The following NME7 variants were observed in gnomAD, a reference collection of about 807,000 sequenced individuals.
NME7 encodes the protein nucleoside diphosphate kinase 7.
Under a neutral mutation model 49.1 loss-of-function variants are expected in NME7, and 41 were observed. The observed-to-expected ratio is 0.83, with a 90% CI of 0.65 to 1.08. NME7 has a LOEUF of 1.08. NME7 is among the 50% of genes least tolerant of loss of function. The pLI is 0.00. For missense variants in NME7, 423 were observed against 463.4 expected, an observed-to-expected ratio of 0.91 and a Z score of 0.80; for synonymous variants, 139 against 150.6, an observed-to-expected ratio of 0.92 and a Z score of 0.56.
At chr1:169,216,376 T>C (rs11809256) in intron 10 of NME7, among the ~76,000 whole-genome samples, 57,326 of 151,942 alleles carry the variant, frequency 0.38, 11,519 homozygotes, top group East Asian at 0.79. Flanking sequence ...GAAATGAGAC[T>C]TTCATAAAAA....
intron 10 of NME7, among the ~76,000 whole-genome samples, chr1:169,187,297 C>T (rs1018546458): frequency 1.3e-5 from 2 of 151,956 alleles, no homozygotes; most frequent in African/African-American, 4.8e-5. Context: ...TCCTGAATAT[C>T]CTTGTTAATT....
At chr1:169,192,396 C>T (rs759646490) in intron 10 of NME7, among the ~76,000 whole-genome samples, 2 of 151,850 alleles carry the variant, frequency 1.3e-5, no homozygotes, top group Non-Finnish European at 2.9e-5. Context: ...CTTATTATTC[C>T]CTGAACAATA....
intron 10 of NME7, among the ~76,000 whole-genome samples, chr1:169,206,108 C>T (rs1660667762): frequency 6.6e-6 from 1 of 152,100 alleles, no homozygotes; most frequent in Admixed American, 6.6e-5. Context: ...TTTCCCTCCC[C>T]TGCTTTATTT....
At chr1:169,295,827 A>G (rs978320596) in intron 6 of NME7, among the ~76,000 whole-genome samples, 4 of 152,082 alleles carry the variant, frequency 2.6e-5, no homozygotes, top group African/African-American at 9.7e-5. Flanking sequence ...CTCCCTTCAG[A>G]CCAACCAATA....
chr1:169,196,076 C>T (rs1446792186), intron 10 of NME7, among the ~76,000 whole-genome samples: 3 of 152,104 alleles, frequency 2.0e-5, no homozygotes, highest in Non-Finnish European at 2.9e-5. Flanking sequence ...TAACTAAGTA[C>T]CAATTTGGAT....
chr1:169,151,440 A>G (rs113151689), intron 11 of NME7, among the ~76,000 whole-genome samples: 5 of 152,232 alleles, frequency 3.3e-5, no homozygotes, highest in African/African-American at 1.2e-4. Context: ...GCTGACCACC[A>G]TCCTCAGACC....
In NME7 at chr1:169,150,763, G is replaced by GAAAAAAAAAAAA. The variant is rs10689301; in HGVS notation, c.1099-17958_1099-17947dup. 2.7e-4 allele frequency among the ~76,000 whole-genome samples: 33 copies of GAAAAAAAAAAAA among 124,322 alleles called. 1 individual carries two copies. In the East Asian group the frequency reaches 6.6e-3, roughly 25 times the overall value. 81.6% of individuals were successfully genotyped at this position (124,322 alleles called of 152,430 possible). On this transcript the variant is annotated intron_variant, in intron 11 of 11. Coordinates refer to ENST00000367811, the MANE Select transcript of NME7 (RefSeq NM_013330.5). Reference sequence around the variant, plus strand: ...ATGATGAGAAGAGAGGCTGGAAAAGGAAAAAAAAAAAAAAAAGAGGAGCAA... The same window carrying GAAAAAAAAAAAA: ...ATGATGAGAAGAGAGGCTGGAAAAGGAAAAAAAAAAAAAAAAAAAAAAAAAAAAGAGGAGCAA...
intron 7 of NME7, among the ~76,000 whole-genome samples, chr1:169,240,344 G>A (rs1342474068): frequency 1.3e-5 from 2 of 151,822 alleles, no homozygotes; most frequent in African/African-American, 4.8e-5. Flanking sequence ...TCTCTTTAAT[G>A]TCTCATTTAA....
intron 7 of NME7, among the ~76,000 whole-genome samples, chr1:169,278,273 G>A (rs568711433): frequency 1.1e-4 from 16 of 150,842 alleles, no homozygotes; most frequent in African/African-American, 3.2e-4. Context: ...ATAATATCCT[G>A]CAGAGTGTTT....
chr1:169,230,412 T>A (rs1225208939), intron 10 of NME7, among the ~76,000 whole-genome samples: 1 of 152,144 alleles, frequency 6.6e-6, no homozygotes, highest in Admixed American at 6.5e-5. Flanking sequence ...ATACCTTAGA[T>A]AATTTCTATT....
chr1:169,213,433 A>G (rs1017495894), intron 10 of NME7, among the ~76,000 whole-genome samples: 2 of 152,100 alleles, frequency 1.3e-5, no homozygotes, highest in African/African-American at 2.4e-5. Flanking sequence ...ATGGTTGCCA[A>G]TGCTGGATTT....
rs1652811407 is a variant in NME7 at position 169,342,910 on chromosome 1, AG to A, written c.4-18411del. Among the ~76,000 whole-genome samples, 11 of 81,000 alleles carry A rather than the reference AG, an allele frequency of 1.4e-4. 1 individual carries two copies. The highest frequency in any genetic ancestry group is 4.5e-4 in the African/African-American group (11 of 24,466). The allele number at this position is 81,000 out of a possible 152,430, so 53.1% of individuals were successfully genotyped here. A position where few individuals can be genotyped will look rare whatever the true frequency, so the allele number is the denominator to read the frequency against. Reference sequence around the variant, plus strand: ...TACATATATACAAGTACATATATATAGTGTATATATATATATACAAGTACAT... The same window carrying A: ...TACATATATACAAGTACATATATATATGTATATATATATATACAAGTACAT... On this transcript the variant is annotated intron_variant, in intron 1 of 11. Coordinates refer to ENST00000367811, the MANE Select transcript of NME7 (RefSeq NM_013330.5).
intron 1 of NME7, among the ~76,000 whole-genome samples, chr1:169,332,259 T>G (rs971201501): frequency 6.6e-6 from 1 of 152,072 alleles, no homozygotes; most frequent in Non-Finnish European, 1.5e-5. Flanking sequence ...GAAAACTAGA[T>G]GTCTATATGC....
At chr1:169,286,360 A>C (rs574972602) in intron 7 of NME7, 2 of 152,144 alleles carry the variant, frequency 1.3e-5, no homozygotes, top group African/African-American at 4.8e-5. Flanking sequence ...ATAAAATTTT[A>C]AAATCCAATC....
intron 10 of NME7, among the ~76,000 whole-genome samples, chr1:169,226,511 T>G (rs1210229298): frequency 1.3e-5 from 2 of 151,986 alleles, no homozygotes; most frequent in African/African-American, 2.4e-5. Context: ...CATAGCTTGA[T>G]TGTAACTACT....
chr1:169,203,348 G>C (rs553611047), intron 10 of NME7, among the ~76,000 whole-genome samples: 1 of 152,176 alleles, frequency 6.6e-6, no homozygotes, highest in Admixed American at 6.5e-5. Flanking sequence ...CTCCCTGTCA[G>C]AGAGCTTTCT....
At chr1:169,301,718 T>TAA (rs1451808487) in intron 5 of NME7, among the ~76,000 whole-genome samples, 2 of 151,928 alleles carry the variant, frequency 1.3e-5, no homozygotes, top group African/African-American at 2.4e-5. Flanking sequence ...TATATATATA[T>TAA]AACACAGAAT....
intron 1 of NME7, among the ~76,000 whole-genome samples, chr1:169,353,483 G>C (rs546771919): frequency 1.3e-5 from 2 of 152,094 alleles, no homozygotes; most frequent in African/African-American, 4.8e-5. Context: ...CAAGGTATTG[G>C]TCTGGGCAAA....
At chr1:169,169,899 G>T (rs1346895496) in intron 10 of NME7, among the ~76,000 whole-genome samples, 1 of 152,180 alleles carries the variant, frequency 6.6e-6, no homozygotes, top group Non-Finnish European at 1.5e-5. Flanking sequence ...TTAAAAAAAT[G>T]TTAGCTGTAT....
Sources: gnomAD v4.1 joint callset for allele counts (sites outside exome capture counted in the v4.1 genomes callset) on GRCh38, gnomAD v4.1.1 for gene constraint, MANE v1.5 for transcripts, NCBI Gene and HGNC (gene_info 2026-07-23, HGNC 2026-07-21) for gene names.